Variants in PLCXD2 observed in about 807,000 individuals in gnomAD.
The protein encoded by PLCXD2 is PI-PLC X domain-containing protein 2.
PLCXD2 carries 21 observed loss-of-function variants against 28.6 expected under a neutral mutation model. The ratio of observed to expected loss-of-function variants is 0.73; its 90% CI spans 0.52 to 1.06. The LOEUF (loss-of-function observed/expected upper bound fraction) is 1.06. PLCXD2 is among the 50% of genes least tolerant of loss of function. The pLI is 0.00. For missense variants in PLCXD2, 369 were observed against 376.7 expected (o/e 0.98, Z 0.17); for synonymous variants, 140 against 150.1 (o/e 0.93, Z 0.49).
chr3:111,709,754 C>T (rs1235150478), intron 2 of PLCXD2, among the ~76,000 whole-genome samples: 1 of 152,096 alleles, frequency 6.6e-6, no homozygotes, highest in Non-Finnish European at 1.5e-5. Flanking sequence ...GGCTGTAGAG[C>T]AGGTGAAGAC....
chr3:111,699,713 C>A (rs1418059536), intron 1 of PLCXD2, among the ~76,000 whole-genome samples: 1 of 152,166 alleles, frequency 6.6e-6, no homozygotes, highest in African/African-American at 2.4e-5. Context: ...TGATTCTGAG[C>A]TCTGTAACCT....
At chr3:111,704,791 A>G (rs1941094283) in intron 1 of PLCXD2, among the ~76,000 whole-genome samples, 1 of 151,644 alleles carries the variant, frequency 6.6e-6, no homozygotes, top group Non-Finnish European at 1.5e-5. Context: ...GCAAAACACC[A>G]GACTTCATTC....
intron 1 of PLCXD2, among the ~76,000 whole-genome samples, chr3:111,681,609 C>T (rs537731780): frequency 6.6e-6 from 1 of 152,294 alleles, no homozygotes; most frequent in African/African-American, 2.4e-5. Context: ...CACACATGCA[C>T]AGATACTTAG....
chr3:111,697,614 G>GT (rs1004204160), intron 1 of PLCXD2, among the ~76,000 whole-genome samples: 2 of 151,964 alleles, frequency 1.3e-5, no homozygotes, highest in African/African-American at 4.8e-5. Flanking sequence ...AACTGATAGG[G>GT]TTTTTTTGAT....
At chr3:111,677,404 A>G (rs999176814) in intron 1 of PLCXD2, 3 of 152,210 alleles carry the variant, frequency 2.0e-5, no homozygotes, top group African/African-American at 7.2e-5. Context: ...CCTGAAATAT[A>G]GTAGGCATTT....
At chr3:111,725,121 G>T (rs1383771280) in intron 3 of PLCXD2, 1 of 152,236 alleles carries the variant, frequency 6.6e-6, no homozygotes, top group African/African-American at 2.4e-5. Flanking sequence ...AATGAAATGT[G>T]TAGAGCTCAA....
chr3:111,714,574 A>C (rs979127782), intron 3 of PLCXD2, among the ~76,000 whole-genome samples: 3 of 152,202 alleles, frequency 2.0e-5, no homozygotes, highest in African/African-American at 7.2e-5. Flanking sequence ...TCACTGAAGA[A>C]GCAGCTTAGG....
At position 111,674,973 on chromosome 3, in the gene PLCXD2, C is replaced by T; in HGVS notation, c.-273C>T. The T allele has an allele frequency of 2.4e-6, 1 of 413,230 alleles. No individual in the cohort carries two copies. Among genetic ancestry groups the T allele is most frequent in the Non-Finnish European group, 4.3e-6 (1 of 232,000 alleles). The allele number at this position is 413,230 out of a possible 1,614,324, so 25.6% of individuals were successfully genotyped here. Reference sequence around the variant, plus strand: ...TGTAAGATTTATCTCTAGGGGCCTACCTTCCCCCATCTCCAGAGGGGAACA... The same window carrying T: ...TGTAAGATTTATCTCTAGGGGCCTATCTTCCCCCATCTCCAGAGGGGAACA... On this transcript the variant is annotated 5_prime_UTR_variant, in exon 1 of 5. Coordinates refer to ENST00000477665, the MANE Select transcript of PLCXD2 (RefSeq NM_001185106.1).
In PLCXD2 at chr3:111,706,671, A is replaced by G. The variant is rs560659689; in HGVS notation, c.164-1255A>G. On this transcript the variant is annotated intron_variant, in intron 1 of 4. Transcript: ENST00000477665. ...TTAAAAAAAAAAAAGACACAACTAT[A>G]TACTGCCCACAGAAAACTCACTTCA... 9.2e-5 allele frequency among the ~76,000 whole-genome samples: 14 copies of G among 152,102 alleles called. No homozygotes were observed. The East Asian group carries it at 2.7e-3, about 29-fold the overall frequency.
chr3:111,723,657 A>G (rs1312996336), intron 3 of PLCXD2: 3 of 152,230 alleles, frequency 2.0e-5, no homozygotes, highest in Non-Finnish European at 4.4e-5. Context: ...CTCTGCCTCA[A>G]GAAAAAGTTG....
At chr3:111,703,521 T>G (rs1304011076) in intron 1 of PLCXD2, among the ~76,000 whole-genome samples, 2 of 152,162 alleles carry the variant, frequency 1.3e-5, no homozygotes, top group Non-Finnish European at 2.9e-5. Context: ...AGGGGATTCA[T>G]CTCTCCTCCA....
chr3:111,705,168 C>T (rs1453231889), intron 1 of PLCXD2, among the ~76,000 whole-genome samples: 1 of 152,144 alleles, frequency 6.6e-6, no homozygotes, highest in East Asian at 1.9e-4. Context: ...CCTGCTCTGC[C>T]ACCCTTCCAG....
rs746903071 is a variant in PLCXD2, at chr3:111,708,329, C to T, written c.567C>T (p.Cys189=). Residue 189 remains cysteine (C), a synonymous_variant, in exon 2 of 5, where the codon TGC becomes TGT. Coordinates refer to ENST00000477665, the MANE Select transcript of PLCXD2 (RefSeq NM_001185106.1). ...AGGAGGCCTTTGGAAACAAGCTGTG[C>T]CCAGCCTGCAGTGTGGAAAGTTTGA... 6 of 1,614,138 alleles carry T rather than the reference C, an allele frequency of 3.7e-6. No individual in the cohort carries two copies. The highest frequency in any genetic ancestry group is 5.1e-6 in the Non-Finnish European group (6 of 1,180,016).
intron 1 of PLCXD2, among the ~76,000 whole-genome samples, chr3:111,678,146 T>A (rs563469037): frequency 4.6e-5 from 7 of 152,384 alleles, no homozygotes; most frequent in Admixed American, 4.6e-4. Flanking sequence ...GTGCACCTGC[T>A]GCCTTTGCCT....
chr3:111,685,140 C>T (rs1021182409), intron 1 of PLCXD2, among the ~76,000 whole-genome samples: 7 of 152,152 alleles, frequency 4.6e-5, no homozygotes, highest in Non-Finnish European at 1.0e-4. Flanking sequence ...AGAGCTAAAT[C>T]TTCACATTTC....
In PLCXD2 at chr3:111,694,471, C is replaced by CTT. The variant is rs61244571; in HGVS notation, c.164-13443_164-13442dup. Among the ~76,000 whole-genome samples, 11 of 146,424 alleles carry CTT rather than the reference C, an allele frequency of 7.5e-5. 2 individuals are homozygous for CTT. Among genetic ancestry groups the CTT allele is most frequent in the African/African-American group, 2.5e-4 (10 of 39,918 alleles). On this transcript the variant is annotated intron_variant, in intron 1 of 4. Coordinates refer to ENST00000477665, the MANE Select transcript of PLCXD2 (RefSeq NM_001185106.1). ...AGTTTACTATGTGCATTGAAGAGAG[C>CTT]TTTTTTTTTTTTTAACATCTTGCCC...
At chr3:111,687,671 T>C (rs1424203133) in intron 1 of PLCXD2, among the ~76,000 whole-genome samples, 4 of 141,552 alleles carry the variant, frequency 2.8e-5, no homozygotes, top group Non-Finnish European at 6.1e-5. Flanking sequence ...ATGGGTTTTT[T>C]CTTTCTTTCT....
intron 1 of PLCXD2, among the ~76,000 whole-genome samples, chr3:111,687,320 A>G (rs1940809233): frequency 6.6e-6 from 1 of 152,204 alleles, no homozygotes; most frequent in Non-Finnish European, 1.5e-5. Flanking sequence ...TGGTAGAGTC[A>G]GGTGAGCTCA....
At chr3:111,706,022 C>T (rs994930045) in intron 1 of PLCXD2, among the ~76,000 whole-genome samples, 1 of 151,788 alleles carries the variant, frequency 6.6e-6, no homozygotes, top group Non-Finnish European at 1.5e-5. Context: ...CTCCTGGCTA[C>T]TTTTTTTGTA....
Sources: allele counts gnomAD v4.1 joint callset (sites outside exome capture counted in the v4.1 genomes callset), GRCh38; gene constraint gnomAD v4.1.1; transcripts MANE v1.5; gene names NCBI Gene and HGNC (gene_info 2026-07-23, HGNC 2026-07-21).